The following PTPRD variants were observed in gnomAD, a reference collection of about 807,000 sequenced individuals.
PTPRD encodes receptor-type tyrosine-protein phosphatase delta.
In PTPRD, 34 loss-of-function variants were observed where a neutral mutation model predicts 214.5. The ratio of observed to expected loss-of-function variants is 0.16; its 90% CI spans 0.12 to 0.21. The LOEUF is 0.21. Among genes scored for constraint, PTPRD ranks in the 10% least tolerant of loss-of-function variants. The pLI is 1.00. For synonymous variants in PTPRD, 1,128 were observed against 845.7 expected (o/e 1.33, Z -5.79); for missense variants, 2,545 against 2,398.7 (o/e 1.06, Z -1.27).
chr9:8,708,503 G>A (rs998405724), intron 12 of PTPRD, among the ~76,000 whole-genome samples: 2 of 151,432 alleles, frequency 1.3e-5, no homozygotes, highest in African/African-American at 2.4e-5. Context: ...GTGAAACCCC[G>A]TCTCTACCAA....
chr9:10,498,385 C>T (rs539223155), intron 2 of PTPRD, among the ~76,000 whole-genome samples: 1 of 151,788 alleles, frequency 6.6e-6, no homozygotes, highest in East Asian at 1.9e-4. Flanking sequence ...TGTTTGCATA[C>T]CAAAAAAATT....
chr9:9,990,953 A>G (rs1244822995), intron 4 of PTPRD, among the ~76,000 whole-genome samples: 1 of 80,330 alleles, frequency 1.2e-5, no homozygotes, highest in East Asian at 4.1e-4. Context: ...TTTTTTTTTT[A>G]AGACAGAATT....
chr9:10,162,695 A>T (rs987210645), intron 3 of PTPRD, among the ~76,000 whole-genome samples: 4 of 147,098 alleles, frequency 2.7e-5, no homozygotes, highest in Admixed American at 2.1e-4. Context: ...ATGTGTATAT[A>T]TATACATATA....
At chr9:9,698,888 A>G (rs994290892) in intron 7 of PTPRD, among the ~76,000 whole-genome samples, 1 of 152,134 alleles carries the variant, frequency 6.6e-6, no homozygotes, top group Non-Finnish European at 1.5e-5. Flanking sequence ...TGGAGTTTTT[A>G]CTTCTCTGTA....
chr9:8,581,913 C>CAAAAAAAAAAAAAAAA (rs36007156), intron 14 of PTPRD, among the ~76,000 whole-genome samples: 17 of 34,964 alleles, frequency 4.9e-4, no homozygotes, highest in South Asian at 2.0e-3. Flanking sequence ...ACTCAATCTC[C>CAAAAAAAAAAAAAAAA]AAAAAAAAAA....
intron 3 of PTPRD, among the ~76,000 whole-genome samples, chr9:10,123,007 C>T (rs1017605674): frequency 2.0e-5 from 3 of 152,182 alleles, no homozygotes; most frequent in African/African-American, 7.2e-5. Context: ...TACACATCTG[C>T]TGATGAGGCT....
intron 8 of PTPRD, among the ~76,000 whole-genome samples, chr9:9,535,774 T>A (rs1362109240): frequency 1.3e-5 from 2 of 152,044 alleles, no homozygotes; most frequent in Non-Finnish European, 2.9e-5. Context: ...TTCTATGTCA[T>A]TAAGAACAGA....
chr9:8,412,946 G>GA (rs1331365147), intron 35 of PTPRD, among the ~76,000 whole-genome samples: 3 of 151,976 alleles, frequency 2.0e-5, no homozygotes, highest in East Asian at 1.9e-4. Context: ...AGATTCAAAA[G>GA]AAAAAACAAA....
intron 12 of PTPRD, among the ~76,000 whole-genome samples, chr9:8,658,402 G>C (rs552564702): frequency 1.3e-5 from 2 of 152,212 alleles, no homozygotes; most frequent in East Asian, 3.9e-4. Flanking sequence ...CTATTAAATT[G>C]TTCTGACCTT....
intron 2 of PTPRD, among the ~76,000 whole-genome samples, chr9:10,519,138 T>C (rs1317194963): frequency 1.3e-5 from 2 of 151,362 alleles, no homozygotes; most frequent in Admixed American, 1.3e-4. Context: ...GTTAGATAAC[T>C]CTTGAGGACA....
chr9:8,623,966 G>A (rs1428521598), intron 14 of PTPRD, among the ~76,000 whole-genome samples: 1 of 151,892 alleles, frequency 6.6e-6, no homozygotes. Flanking sequence ...AAGGATATTT[G>A]AAATTCTTCT....
At chr9:8,882,255 T>C (rs1027328942) in intron 11 of PTPRD, among the ~76,000 whole-genome samples, 2 of 152,204 alleles carry the variant, frequency 1.3e-5, no homozygotes, top group Non-Finnish European at 2.9e-5. Flanking sequence ...TTTATTTTTA[T>C]ATTGATCTTA....
intron 9 of PTPRD, among the ~76,000 whole-genome samples, chr9:9,241,019 A>G (rs1201993277): frequency 5.3e-5 from 8 of 152,166 alleles, no homozygotes; most frequent in Non-Finnish European, 1.0e-4. Context: ...AGATTATACC[A>G]TTGGACTGGG....
At chr9:9,465,204 T>C (rs2094035152) in intron 8 of PTPRD, among the ~76,000 whole-genome samples, 1 of 152,198 alleles carries the variant, frequency 6.6e-6, no homozygotes, top group Non-Finnish European at 1.5e-5. Flanking sequence ...TAATCATCAA[T>C]ATAACAGCTG....
At chr9:9,781,795 A>ATTTTTTTTTTTTTTTTTTTTTT (rs142718064) in intron 5 of PTPRD, among the ~76,000 whole-genome samples, 1 of 147,282 alleles carries the variant, frequency 6.8e-6, no homozygotes, top group Admixed American at 6.7e-5. Flanking sequence ...GTCTGGACTC[A>ATTTTTTTTTTTTTTTTTTTTTT]TATTTTTTTT....
rs1261479159 is a variant in PTPRD at position 8,911,396 on chromosome 9, G to GCC, written c.-104+107300_-104+107301insGG. 3.8e-4 allele frequency among the ~76,000 whole-genome samples: 54 copies of GCC among 142,952 alleles called. 2 individuals are homozygous for GCC. The highest frequency in any genetic ancestry group is 1.1e-3 in the South Asian group (5 of 4,598). 93.8% of individuals were successfully genotyped at this position (142,952 alleles called of 152,430 possible). On this transcript the variant is annotated intron_variant, in intron 11 of 45. Coordinates refer to ENST00000381196, the MANE Select transcript of PTPRD (RefSeq NM_002839.4). Reference sequence around the variant, plus strand: ...GGGAGAACTGGATGCCCATGTGTGTGTCTGTGTGTGTGTGTGTGTTGTGTG... The same window carrying GCC: ...GGGAGAACTGGATGCCCATGTGTGTGCCTCTGTGTGTGTGTGTGTGTTGTGTG...
At chr9:10,512,766 T>G (rs73394399) in intron 2 of PTPRD, among the ~76,000 whole-genome samples, 1 of 152,232 alleles carries the variant, frequency 6.6e-6, no homozygotes, top group African/African-American at 2.4e-5. Context: ...ACAAAAGGTT[T>G]GATAAGCACA....
chr9:8,843,672 C>T (rs997188151), intron 11 of PTPRD, among the ~76,000 whole-genome samples: 4 of 152,116 alleles, frequency 2.6e-5, no homozygotes, highest in East Asian at 1.9e-4. Flanking sequence ...ATCTGCCTCC[C>T]GTTCTCATCT....
intron 9 of PTPRD, among the ~76,000 whole-genome samples, chr9:9,199,077 A>G (rs1448792328): frequency 1.3e-5 from 2 of 152,190 alleles, no homozygotes; most frequent in Non-Finnish European, 2.9e-5. Context: ...TTAGATTGAA[A>G]GACGGCTGAG....
Sources: allele counts gnomAD v4.1 joint callset (sites outside exome capture counted in the v4.1 genomes callset), GRCh38; gene constraint gnomAD v4.1.1; transcripts MANE v1.5; gene names NCBI Gene and HGNC (gene_info 2026-07-23, HGNC 2026-07-21).